The following C8orf58 variants were observed in gnomAD, a reference collection of about 807,000 sequenced individuals.
C8orf58 encodes uncharacterized protein C8orf58.
Under a neutral mutation model 36.8 loss-of-function variants are expected in C8orf58, and 31 were observed. The observed-to-expected ratio is 0.84, with a 90% CI of 0.63 to 1.14. C8orf58 has a LOEUF of 1.14. Ranked by LOEUF, C8orf58 falls within the 50% of genes most tolerant of loss-of-function variation. The probability of loss-of-function intolerance (pLI) is 0.00; values close to 1 mark genes in which losing one functional copy is unlikely to be tolerated. For synonymous variants in C8orf58, 230 were observed against 200.2 expected (o/e 1.15, Z -1.26); for missense variants, 538 against 480.8 (o/e 1.12, Z -1.11).
chr8:22,602,849 C>T, intron 6 of C8orf58: 1 of 579,232 alleles, frequency 1.7e-6, no homozygotes, highest in Non-Finnish European at 3.1e-6. Flanking sequence ...AGTTGCTTTT[C>T]CAAAGCCGCA....
chr8:22,603,330 C>A lies in C8orf58; in HGVS notation c.*24C>A. 6.5e-7 allele frequency: 1 copy of A among 1,533,844 alleles called. No homozygotes were observed. Among genetic ancestry groups the A allele is most frequent in the Non-Finnish European group, 9.0e-7 (1 of 1,107,266 alleles). ...GAGACCTCTCGGTGCACCTGGTGAC[C>A]CTGGGTGGAGGGGACTTGCTGTGAA... On this transcript the variant is annotated 3_prime_UTR_variant, in exon 7 of 7. Coordinates refer to ENST00000289989, the MANE Select transcript of C8orf58 (RefSeq NM_001013842.3).
rs754422545 is a variant in C8orf58 at position 22,600,905 on chromosome 8, C to T, written c.64C>T (p.Arg22Trp). 1.1e-5 allele frequency: 18 copies of T among 1,608,998 alleles called. No individual in the cohort carries two copies. The highest frequency in any genetic ancestry group is 4.5e-5 in the East Asian group (2 of 44,800). The change falls in exon 2 of 7, where the codon CGG becomes TGG. Residue 22 changes from arginine (R) to tryptophan (W), a missense_variant. Arg to Trp is a moderately radical substitution (Grantham distance 101). Transcript: ENST00000289989. ...GRDGAGEGLA[R>W]GCIVPGVTST... The stretch of plus-strand genomic sequence containing the variant: ...AGATGGGGCTGGCGAGGGCCTGGCA[C>T]GGGGCTGCATAGTGCCTGGAGTCAC...
rs181260270 is a variant in C8orf58 at position 22,599,834 on chromosome 8, C to T, written c.40+74C>T. 2,995 of 698,936 alleles carry T rather than the reference C, an allele frequency of 4.3e-3. 61 individuals carry two copies. In the African/African-American group the frequency reaches 0.049, roughly 11 times the overall value. The allele number at this position is 698,936 out of a possible 1,614,324, so 43.3% of individuals were successfully genotyped here. ...CGCTTCCCGCCCCCAAGCCGGGCAC[C>T]CTCTCTCAGTTTCTTGCCCAGCCCC... On this transcript the variant is annotated intron_variant, in intron 1 of 6. Coordinates refer to ENST00000289989, the MANE Select transcript of C8orf58 (RefSeq NM_001013842.3).
At chr8:22,601,663 G>A (rs774063841) in intron 2 of C8orf58, 49 bp from the exon 3 acceptor site, 12 of 1,556,480 alleles carry the variant, frequency 7.7e-6, no homozygotes, top group Non-Finnish European at 1.0e-5. Flanking sequence ...TTAGGGTAGG[G>A]CAGGAGCCCT....
In C8orf58 at chr8:22,603,233, G is replaced by A. The variant is rs540237954; in HGVS notation, c.1025G>A (p.Arg342His). The change falls in exon 7 of 7, where the codon CGC (arginine) becomes CAC (histidine). Residue 342 changes from arginine (R) to histidine (H), a missense_variant. By Grantham distance (29) the Arg-to-His change is conservative. Coordinates refer to ENST00000289989, the MANE Select transcript of C8orf58 (RefSeq NM_001013842.3). Reference sequence around the variant, plus strand: ...GACCTCCCTGAAAGGCCTCAGTGCCGCCCCCACCGGAAGACCTTTATGCCA... The same window carrying A: ...GACCTCCCTGAAAGGCCTCAGTGCCACCCCCACCGGAAGACCTTTATGCCA... ...SRDLPERPQCRPHRKTFMPSL... is the reference protein window; with the variant it reads ...SRDLPERPQCHPHRKTFMPSL... The A allele has an allele frequency of 2.5e-5, 40 of 1,613,868 alleles. No individual in the cohort carries two copies. Among genetic ancestry groups the A allele is most frequent in the Middle Eastern group, 1.6e-4 (1 of 6,062 alleles).
chr8:22,599,786 C>T (rs1800797383), intron 1 of C8orf58, 26 bp downstream of exon 1: 4 of 1,172,896 alleles, frequency 3.4e-6, no homozygotes, highest in Non-Finnish European at 4.3e-6. Flanking sequence ...CCAGGCTGGC[C>T]GGGCTCCCCC....
intron 6 of C8orf58, 169 bp downstream of exon 6, chr8:22,602,812 G>T: frequency 1.7e-6 from 1 of 594,564 alleles, no homozygotes; most frequent in Admixed American, 3.0e-5. Context: ...CAGATAAGGA[G>T]GCAGGGTTCT....
rs1390083860 is a variant in C8orf58, at chr8:22,602,283, T to A, written c.850T>A (p.Tyr284Asn). 6.9e-7 allele frequency: 1 copy of A among 1,456,244 alleles called. No homozygotes were observed. The highest frequency in any genetic ancestry group is 1.5e-5 in the African/African-American group (1 of 67,488). The allele number at this position is 1,456,244 out of a possible 1,614,324, so 90.2% of individuals were successfully genotyped here. A position where few individuals can be genotyped will look rare whatever the true frequency, so the allele number is the denominator to read the frequency against. ...GCCAGAAACCCCAGTGGAGCCAACG[T>A]ACCACTTGCCATCCTCCCAGGGACA... ...RLPETPVEPT[Y>N]HLPSSQGHKR... The change falls in exon 5 of 7, where the codon TAC (tyrosine) becomes AAC (asparagine). Residue 284 changes from tyrosine (Y) to asparagine (N), a missense_variant. Transcript: ENST00000289989.
rs904569967 is a variant in C8orf58 at position 22,602,212 on chromosome 8, C to T, written c.779C>T (p.Ala260Val). The change falls in exon 5 of 7, where the codon GCT (alanine) becomes GTT (valine). Residue 260 changes from alanine (A) to valine (V), a missense_variant. Ala to Val is a moderately conservative substitution (Grantham distance 64). Coordinates refer to ENST00000289989, the MANE Select transcript of C8orf58 (RefSeq NM_001013842.3). ...SQTEHTGAKA[A>V]SPPKVEVPSA... is the part of the protein sequence containing the mutation. Reference sequence around the variant, plus strand: ...TGTCTTTCTGAAGGAGCAAAGGCTGCTTCACCCCCAAAGGTGGAGGTGCCC... The same window carrying T: ...TGTCTTTCTGAAGGAGCAAAGGCTGTTTCACCCCCAAAGGTGGAGGTGCCC... The T allele has an allele frequency of 9.4e-6, 15 of 1,602,230 alleles. No individual in the cohort carries two copies. Among genetic ancestry groups the T allele is most frequent in the Middle Eastern group, 1.6e-4 (1 of 6,074 alleles).
chr8:22,602,952 C>G, intron 6 of C8orf58: 1 of 591,256 alleles, frequency 1.7e-6, no homozygotes. Context: ...TTTAGGCCAC[C>G]TTCCAGGTTC....
At position 22,602,116 on chromosome 8, in the gene C8orf58, C is replaced by T. The variant is rs756943962; in HGVS notation, c.766+36C>T. 7.7e-6 allele frequency: 12 copies of T among 1,549,954 alleles called. No individual in the cohort carries two copies. The South Asian group carries it at 1.4e-4, about 18-fold the overall frequency. On this transcript the variant is annotated intron_variant, in intron 4 of 6. Coordinates refer to ENST00000289989, the MANE Select transcript of C8orf58 (RefSeq NM_001013842.3). ...ATCGTGTCTCCCTTTGTCCTGCCTG[C>T]CTGGGGTCCCACCAGCAGGTCCTCT...
rs1269285572 is a variant in C8orf58 at position 22,601,780 on chromosome 8, G to A, written c.585G>A (p.Leu195=). The A allele has an allele frequency of 2.5e-6, 4 of 1,612,512 alleles. No homozygotes were observed. Among genetic ancestry groups the A allele is most frequent in the Non-Finnish European group, 3.4e-6 (4 of 1,179,828 alleles). Residue 195 remains leucine (L), a synonymous_variant, in exon 3 of 7, where the codon CTG becomes CTA. Transcript: ENST00000289989. The part of the protein sequence containing the change: ...PGQGLRYLEH[L]CLVLEQMARL... ...AGGGTCTTCGCTATCTGGAACACCT[G>A]TGCCTGGTGCTGGAGCAGATGGCAA...
At position 22,602,184 on chromosome 8, in the gene C8orf58, G is replaced by C. The variant is rs770045046; in HGVS notation, c.767-16G>C. 6.9e-6 allele frequency: 11 copies of C among 1,582,814 alleles called. No individual in the cohort carries two copies. The Admixed American group carries it at 1.5e-4, about 21-fold the overall frequency. ...GGTGTCTTCTGGCCCTGGCCAACCT[G>C]ACTGTCTTTCTGAAGGAGCAAAGGC... On this transcript the variant is annotated splice_polypyrimidine_tract_variant and intron_variant, in intron 4 of 6. Transcript: ENST00000289989.
chr8:22,601,330 C>CCT lies in C8orf58; in HGVS notation c.490_491dup (p.Glu165Ter). On this transcript the variant is annotated frameshift_variant, in exon 2 of 7. Transcript: ENST00000289989. LOFTEE classifies it high-confidence loss of function. ...AGGAGTCCATGGAGGCAGACACAGA[C>CCT]CTAGAGGCAGGCCTGGAAGAAGAGG... is the stretch of plus-strand genomic sequence containing the variant. The CCT allele has an allele frequency of 2.5e-6, 4 of 1,590,412 alleles. No homozygotes were observed. The highest frequency in any genetic ancestry group is 3.4e-6 in the Non-Finnish European group (4 of 1,163,572).
rs1158037813 is a variant in C8orf58, at chr8:22,599,627, G to T, written c.-94G>T. 1.6e-6 allele frequency: 1 copy of T among 634,176 alleles called. No homozygotes were observed. Among genetic ancestry groups the T allele is most frequent in the Non-Finnish European group, 2.1e-6 (1 of 465,952 alleles). 39.3% of individuals were successfully genotyped at this position (634,176 alleles called of 1,614,324 possible). A position where few individuals can be genotyped will look rare whatever the true frequency, so the allele number is the denominator to read the frequency against. ...TCTGGGGGCCGCGCCCAGCTGGGTC[G>T]GGACGCGCTCCCTGAGCTGCCCGAG... On this transcript the variant is annotated 5_prime_UTR_variant, in exon 1 of 7. Transcript: ENST00000289989.
chr8:22,599,633 C>G lies in C8orf58; in HGVS notation c.-88C>G. The G allele has an allele frequency of 1.4e-6, 1 of 720,134 alleles. No homozygotes were observed. The highest frequency in any genetic ancestry group is 1.9e-6 in the Non-Finnish European group (1 of 535,990). The allele number at this position is 720,134 out of a possible 1,614,324, so 44.6% of individuals were successfully genotyped here. On this transcript the variant is annotated 5_prime_UTR_variant, in exon 1 of 7. Coordinates refer to ENST00000289989, the MANE Select transcript of C8orf58 (RefSeq NM_001013842.3). ...GGCCGCGCCCAGCTGGGTCGGGACG[C>G]GCTCCCTGAGCTGCCCGAGCTCCGC...
At chr8:22,600,575 G>A in intron 1 of C8orf58, 1 of 391,580 alleles carries the variant, frequency 2.6e-6, no homozygotes, top group Non-Finnish European at 4.7e-6. Flanking sequence ...GGGAGATCGT[G>A]GGCTGATCCT....
At chr8:22,600,560 G>A (rs1800817667) in intron 1 of C8orf58, 1 of 345,652 alleles carries the variant, frequency 2.9e-6, no homozygotes, top group African/African-American at 2.1e-5. Flanking sequence ...CCCTACTTCT[G>A]ACTCGGGAGA....
At chr8:22,599,960 C>T (rs1175120632) in intron 1 of C8orf58, 200 bp downstream of exon 1, 6 of 366,792 alleles carry the variant, frequency 1.6e-5, no homozygotes, top group East Asian at 1.2e-4. Context: ...CCCCTTTGGG[C>T]CCAGGCGTTA....
Sources: allele counts gnomAD v4.1 joint callset, GRCh38; gene constraint gnomAD v4.1.1; transcripts MANE v1.5; gene names NCBI Gene and HGNC (gene_info 2026-07-23, HGNC 2026-07-21).